Variants in DGKG observed in about 807,000 individuals in gnomAD.
DGKG encodes the protein DAG kinase gamma.
DGKG carries 78 observed loss-of-function variants against 105.3 expected under a neutral mutation model. The ratio of observed to expected loss-of-function variants is 0.74; its 90% CI spans 0.62 to 0.89. DGKG has a LOEUF of 0.89. Among genes scored for constraint, DGKG ranks in the 40% least tolerant of loss-of-function variants. The pLI, the probability that DGKG is intolerant of heterozygous loss-of-function variation, is 0.00. For synonymous variants in DGKG, 346 were observed against 367.1 expected, an observed-to-expected ratio of 0.94 and a Z score of 0.66; for missense variants, 958 against 1,020.1, an observed-to-expected ratio of 0.94 and a Z score of 0.83.
chr3:186,248,743 G>C (rs1348954423), intron 19 of DGKG, among the ~76,000 whole-genome samples: 2 of 152,182 alleles, frequency 1.3e-5, no homozygotes, highest in African/African-American at 4.8e-5. Flanking sequence ...GAGGCACAAA[G>C]CTCAGTGGTC....
Position 186,211,826 on chromosome 3 carries a change from C to A in DGKG, c.1886G>T (p.Cys629Phe). 1 of 1,614,196 alleles carries A rather than the reference C, an allele frequency of 6.2e-7. No individual in the cohort carries two copies. The highest frequency in any genetic ancestry group is 8.5e-7 in the Non-Finnish European group (1 of 1,180,010). ...FGTSETFAAT[C>F]KKLHDHIELE... The stretch of plus-strand genomic sequence containing the variant: ...CTCAATGTGGTCGTGGAGTTTCTTG[C>A]AGGTCGCTGCAAAAGTCTCCGAGGT... Residue 629 changes from cysteine to phenylalanine, a missense_variant, in exon 21 of 25, where the codon TGC becomes TTC. By Grantham distance (205) the Cys-to-Phe change is radical (BLOSUM62 -2). Coordinates refer to ENST00000265022, the MANE Select transcript of DGKG (RefSeq NM_001346.3).
chr3:186,328,445 C>T (rs555927125), intron 1 of DGKG, among the ~76,000 whole-genome samples: 21 of 152,164 alleles, frequency 1.4e-4, no homozygotes, highest in Non-Finnish European at 2.6e-4. Flanking sequence ...GCTGATGCTC[C>T]TGCTGAGGAG....
chr3:186,252,778 T>G (rs1354206845), intron 18 of DGKG, among the ~76,000 whole-genome samples: 5 of 152,208 alleles, frequency 3.3e-5, no homozygotes, highest in Admixed American at 3.3e-4. Flanking sequence ...ATGGGACATA[T>G]GAGACTTTGT....
intron 2 of DGKG, among the ~76,000 whole-genome samples, chr3:186,307,495 C>A (rs1343872343): frequency 1.3e-5 from 2 of 152,218 alleles, no homozygotes; most frequent in Non-Finnish European, 2.9e-5. Flanking sequence ...TTCCTTTGCA[C>A]CAGTCAGAGT....
chr3:186,244,549 C>T (rs1578717366), intron 19 of DGKG, among the ~76,000 whole-genome samples: 1 of 151,870 alleles, frequency 6.6e-6, no homozygotes, highest in African/African-American at 2.4e-5. Context: ...GGATTACAGG[C>T]ATCCGCCACC....
chr3:186,283,868 C>G (rs923756814), intron 7 of DGKG, among the ~76,000 whole-genome samples: 4 of 152,162 alleles, frequency 2.6e-5, no homozygotes, highest in African/African-American at 9.7e-5. Flanking sequence ...GTCTAGTGGA[C>G]TTCTTCCCTT....
intron 21 of DGKG, among the ~76,000 whole-genome samples, chr3:186,202,735 G>A (rs901565418): frequency 6.6e-6 from 1 of 152,194 alleles, no homozygotes; most frequent in Non-Finnish European, 1.5e-5. Context: ...ATGTATTGTG[G>A]GAGAGCATTC....
intron 23 of DGKG, among the ~76,000 whole-genome samples, chr3:186,164,522 T>C (rs34636370): frequency 0.011 from 1,631 of 152,320 alleles, 6 homozygotes; most frequent in Non-Finnish European, 0.016. Context: ...AGAGACATCT[T>C]TTTTTTATCA....
intron 22 of DGKG, among the ~76,000 whole-genome samples, chr3:186,182,022 C>G (rs1314797675): frequency 6.6e-6 from 1 of 152,224 alleles, no homozygotes; most frequent in Non-Finnish European, 1.5e-5. Flanking sequence ...GCTCCTCAAC[C>G]CCAGGGGGAC....
At chr3:186,329,036 G>C (rs781701099) in intron 1 of DGKG, among the ~76,000 whole-genome samples, 3 of 152,096 alleles carry the variant, frequency 2.0e-5, no homozygotes, top group Admixed American at 2.0e-4. Context: ...CACGAAGCTC[G>C]GCACTTCCCT....
intron 2 of DGKG, among the ~76,000 whole-genome samples, chr3:186,315,383 C>T (rs907292674): frequency 6.6e-6 from 1 of 152,184 alleles, no homozygotes; most frequent in Non-Finnish European, 1.5e-5. Flanking sequence ...TCTTCTTCAC[C>T]TTTCCCTTCC....
intron 24 of DGKG, 33 bp downstream of exon 24, chr3:186,161,570 C>G (rs1217804824): frequency 3.7e-6 from 6 of 1,614,034 alleles, no homozygotes; most frequent in Non-Finnish European, 4.2e-6. Flanking sequence ...AATAAGGCTT[C>G]TCATCCCCAT....
At chr3:186,341,417 A>C (rs1164294129) in intron 1 of DGKG, among the ~76,000 whole-genome samples, 1 of 152,200 alleles carries the variant, frequency 6.6e-6, no homozygotes, top group Non-Finnish European at 1.5e-5. Flanking sequence ...GAGGCTGAGG[A>C]AGGAAGATGG....
At position 186,320,721 on chromosome 3, in the gene DGKG, G is replaced by A; in HGVS notation, c.-248-14C>T. ...TCCTGGCTCTTCCTAGATAGAAGCAGAAAAGACATTGTAAATGAGAATGTT... is the reference window on the plus strand; with the variant it reads ...TCCTGGCTCTTCCTAGATAGAAGCAAAAAAGACATTGTAAATGAGAATGTT... On this transcript the variant is annotated splice_polypyrimidine_tract_variant and intron_variant, in intron 1 of 24. Transcript: ENST00000265022. The A allele has an allele frequency of 5.0e-6, 2 of 402,972 alleles. No individual in the cohort carries two copies. The highest frequency in any genetic ancestry group is 3.8e-5 in the East Asian group (1 of 26,022). 25.0% of individuals were successfully genotyped at this position (402,972 alleles called of 1,614,324 possible).
chr3:186,156,307 G>T (rs16860510), intron 24 of DGKG, among the ~76,000 whole-genome samples: 1,785 of 151,822 alleles, frequency 0.012, 49 homozygotes, highest in East Asian at 0.05. Context: ...TGAGGTGAGA[G>T]GTTCTATATA....
intron 22 of DGKG, among the ~76,000 whole-genome samples, chr3:186,184,057 G>A (rs934077185): frequency 6.6e-6 from 1 of 151,976 alleles, no homozygotes; most frequent in Non-Finnish European, 1.5e-5. Context: ...CTTAGGACAA[G>A]AACTTCAAAT....
At chr3:186,285,195 T>C (rs1723007853) in intron 6 of DGKG, among the ~76,000 whole-genome samples, 1 of 152,240 alleles carries the variant, frequency 6.6e-6, no homozygotes, top group Non-Finnish European at 1.5e-5. Flanking sequence ...AGAATAATAG[T>C]TGGTTTCTCC....
At chr3:186,283,258 T>C (rs1050510079) in intron 7 of DGKG, among the ~76,000 whole-genome samples, 9 of 152,050 alleles carry the variant, frequency 5.9e-5, no homozygotes, top group African/African-American at 2.2e-4. Context: ...CTCCCCACTC[T>C]CCTACCCCCA....
At chr3:186,339,992 G>A (rs1299662177) in intron 1 of DGKG, among the ~76,000 whole-genome samples, 2 of 152,186 alleles carry the variant, frequency 1.3e-5, no homozygotes, top group Non-Finnish European at 2.9e-5. Context: ...ATGAATATAG[G>A]TTTCCCAGGG....
Sources: gnomAD v4.1 joint callset for allele counts (sites outside exome capture counted in the v4.1 genomes callset) on GRCh38, gnomAD v4.1.1 for gene constraint, MANE v1.5 for transcripts, NCBI Gene and HGNC (gene_info 2026-07-23, HGNC 2026-07-21) for gene names.